NUGGC: variants seen among roughly 807,000 people sequenced by gnomAD.
The protein encoded by NUGGC is nuclear GTPase SLIP-GC.
NUGGC carries 58 observed loss-of-function variants against 92.6 expected under a neutral mutation model. The ratio of observed to expected loss-of-function variants is 0.63; its 90% CI spans 0.51 to 0.78. NUGGC has a LOEUF of 0.78. NUGGC is among the 30% of genes least tolerant of loss of function. The pLI, the probability that NUGGC is intolerant of heterozygous loss-of-function variation, is 0.00. For synonymous variants in NUGGC, 376 were observed against 366.4 expected (o/e 1.03, Z -0.30); for missense variants, 925 against 964.6 (o/e 0.96, Z 0.54).
chr8:28,030,745 C>T (rs558866714), intron 15 of NUGGC, among the ~76,000 whole-genome samples: 1 of 152,270 alleles, frequency 6.6e-6, no homozygotes, highest in East Asian at 1.9e-4. Flanking sequence ...CCTAGCATTG[C>T]CATGTAATTT....
rs763998057 is a variant in NUGGC at position 28,060,516 on chromosome 8, T to G, written c.1007A>C (p.Glu336Ala). 1 of 1,613,914 alleles carries G rather than the reference T, an allele frequency of 6.2e-7. No individual in the cohort carries two copies. Among genetic ancestry groups the G allele is most frequent in the Non-Finnish European group, 8.5e-7 (1 of 1,179,856 alleles). The change falls in exon 8 of 19, where the codon GAG (glutamate) becomes GCG (alanine). Residue 336 changes from glutamate (E) to alanine (A), a missense_variant. By Grantham distance (107) the Glu-to-Ala change is moderately radical (BLOSUM62 -1). Coordinates refer to ENST00000413272, the MANE Select transcript of NUGGC (RefSeq NM_001010906.2). ...GGQAHEDLLN[E>A]SIKACQRGFC... is the part of the protein sequence containing the mutation. ...GCCCCGCTGGCAGGCTTTGATGCTC[T>G]CATTCAGAAGGTCTTCGTGGGCTTG...
At chr8:28,081,955 G>A (rs1810861868) in intron 1 of NUGGC, among the ~76,000 whole-genome samples, 1 of 152,040 alleles carries the variant, frequency 6.6e-6, no homozygotes, top group African/African-American at 2.4e-5. Flanking sequence ...AAAGAAGGAA[G>A]AGGAGGAGAC....
chr8:28,056,465 G>A (rs1490224488), intron 9 of NUGGC, among the ~76,000 whole-genome samples: 3 of 149,232 alleles, frequency 2.0e-5, no homozygotes. Context: ...GCGACAGAGT[G>A]AGACTGTATC....
At chr8:28,043,415 C>T (rs917148844) in intron 12 of NUGGC, among the ~76,000 whole-genome samples, 2 of 152,136 alleles carry the variant, frequency 1.3e-5, no homozygotes, top group South Asian at 2.1e-4. Context: ...AAATCAATCA[C>T]ACACATATTT....
At chr8:28,041,727 C>A (rs1315504692) in intron 12 of NUGGC, among the ~76,000 whole-genome samples, 1 of 152,200 alleles carries the variant, frequency 6.6e-6, no homozygotes, top group Admixed American at 6.5e-5. Context: ...TCAAGTAATG[C>A]TGGTCTTCCG....
At chr8:28,029,600 A>C (rs1809362014) in intron 16 of NUGGC, among the ~76,000 whole-genome samples, 198 bp from the exon 17 acceptor site, 1 of 151,946 alleles carries the variant, frequency 6.6e-6, no homozygotes, top group South Asian at 2.1e-4. Context: ...AAATACAAAA[A>C]TTAGCTGGGC....
chr8:28,072,326 G>C (rs538480124), intron 2 of NUGGC, among the ~76,000 whole-genome samples: 10 of 152,334 alleles, frequency 6.6e-5, no homozygotes, highest in African/African-American at 2.4e-4. Context: ...GAGAGGAAGA[G>C]GCAAAGAAAG....
chr8:28,061,014 G>A (rs917422437), intron 7 of NUGGC, among the ~76,000 whole-genome samples: 16 of 152,196 alleles, frequency 1.1e-4, no homozygotes, highest in African/African-American at 3.9e-4. Context: ...TTGGCACACA[G>A]GAGAGGCTTC....
Position 28,045,383 on chromosome 8 carries a change from C to CT in NUGGC, c.1446+143dup, listed in dbSNP as rs1488912432. On this transcript the variant is annotated intron_variant, in intron 12 of 18. Transcript: ENST00000413272. ...GTTATGATTTTAACCCTCTAATTAT[C>CT]TTTTTGTCCTTTTAGACTCACTGAA... is the stretch of plus-strand genomic sequence containing the variant. 31 of 712,842 alleles carry CT rather than the reference C, an allele frequency of 4.3e-5. No homozygotes were observed. In the East Asian group the frequency reaches 8.7e-4, roughly 20 times the overall value. 44.2% of individuals were successfully genotyped at this position (712,842 alleles called of 1,614,324 possible).
intron 14 of NUGGC, 47 bp downstream of exon 14, chr8:28,033,493 T>C (rs1809474234): frequency 6.4e-7 from 1 of 1,572,890 alleles, no homozygotes; most frequent in East Asian, 2.2e-5. Context: ...TGGCTCCACA[T>C]TCTTCCGATG....
intron 5 of NUGGC, 143 bp from the exon 6 acceptor site, chr8:28,067,887 G>C (rs998166380): frequency 1.5e-6 from 1 of 680,142 alleles, no homozygotes; most frequent in African/African-American, 1.8e-5. Flanking sequence ...TCTCGAAGAG[G>C]GGAATGGCTT....
chr8:28,029,358 C>T lies in NUGGC; in HGVS notation c.2062G>A (p.Asp688Asn). The part of the protein sequence containing the change: ...TGKKACERMK[D>N]AIRRGVDRQV... ...CGGTCCACTCCTCTTCTGATGGCAT[C>T]TTTCATCCGCTCACACGCTTTTTTG... Residue 688 changes from aspartate to asparagine, a missense_variant, in exon 17 of 19, where the codon GAT (aspartate) becomes AAT (asparagine). Transcript: ENST00000413272. The T allele has an allele frequency of 6.2e-7, 1 of 1,612,476 alleles. No individual in the cohort carries two copies. The highest frequency in any genetic ancestry group is 8.5e-7 in the Non-Finnish European group (1 of 1,179,262).
At chr8:28,044,537 T>C (rs938278346) in intron 12 of NUGGC, among the ~76,000 whole-genome samples, 1 of 152,200 alleles carries the variant, frequency 6.6e-6, no homozygotes, top group Non-Finnish European at 1.5e-5. Flanking sequence ...TGTGGTTGGT[T>C]AGGCATAGAC....
Position 28,023,464 on chromosome 8 carries a change from T to A in NUGGC, c.2246-2A>T. On this transcript the variant is annotated splice_acceptor_variant, in intron 18 of 18. Transcript: ENST00000413272. LOFTEE classifies it high-confidence loss of function. ...TCTCCTTGTATTCACTCCCGACATC[T>A]ACAGGAGAGCAGAAAGCTCACATCA... 1 of 1,611,876 alleles carries A rather than the reference T, an allele frequency of 6.2e-7. No homozygotes were observed. The highest frequency in any genetic ancestry group is 1.1e-5 in the South Asian group (1 of 90,720).
intron 8 of NUGGC, among the ~76,000 whole-genome samples, chr8:28,059,991 A>G (rs149379393): frequency 9.9e-4 from 151 of 152,020 alleles, no homozygotes; most frequent in Non-Finnish European, 1.6e-3. Context: ...ATTGCACTCC[A>G]GCCTGGGCGG....
intron 9 of NUGGC, among the ~76,000 whole-genome samples, chr8:28,056,384 A>G (rs1810137969): frequency 6.6e-6 from 1 of 151,624 alleles, no homozygotes; most frequent in Admixed American, 6.6e-5. Context: ...AGGCTGAGGC[A>G]GGAGAATTGC....
At position 28,064,662 on chromosome 8, in the gene NUGGC, C is replaced by A. The variant is rs1199948316; in HGVS notation, c.781G>T (p.Ala261Ser). The A allele has an allele frequency of 6.2e-7, 1 of 1,613,966 alleles. No individual in the cohort carries two copies. The highest frequency in any genetic ancestry group is 1.3e-5 in the African/African-American group (1 of 75,030). The change falls in exon 7 of 19, where the codon GCT becomes TCT. Residue 261 changes from alanine to serine, a missense_variant. Transcript: ENST00000413272. The part of the protein sequence containing the change: ...TQRRDWDGEA[A>S]EMRIWPLIKH... ...ATCAAGGGCCAGATGCGCATCTCAG[C>A]GGCCTCTCCATCCCAATCTCTCCTC...
intron 5 of NUGGC, among the ~76,000 whole-genome samples, chr8:28,067,973 TG>T (rs1202815860): frequency 6.6e-5 from 10 of 152,134 alleles, no homozygotes; most frequent in Admixed American, 6.5e-4. Flanking sequence ...TCTCCTGGGA[TG>T]GGCTCTTTTC....
chr8:28,064,726 T>C lies in NUGGC; in HGVS notation c.717A>G (p.Glu239=). The stretch of plus-strand genomic sequence containing the variant: ...AGGGGTCCAGCTTGATGGACAGCTC[T>C]TCTGCCTGAAGAAGGAGGACAGAGT... ...RVITLKAEEA[E]ELSIKLDPYI... is the part of the protein sequence containing the mutation. The change falls in exon 7 of 19, where the codon GAA becomes GAG. Residue 239 remains glutamate, a synonymous_variant. Coordinates refer to ENST00000413272, the MANE Select transcript of NUGGC (RefSeq NM_001010906.2). 6.2e-7 allele frequency: 1 copy of C among 1,613,856 alleles called. No homozygotes were observed. The highest frequency in any genetic ancestry group is 8.5e-7 in the Non-Finnish European group (1 of 1,179,800).
Sources: gnomAD v4.1 joint callset for allele counts (sites outside exome capture counted in the v4.1 genomes callset) on GRCh38, gnomAD v4.1.1 for gene constraint, MANE v1.5 for transcripts, NCBI Gene and HGNC (gene_info 2026-07-23, HGNC 2026-07-21) for gene names.